The following C1orf185 variants were observed in gnomAD, a reference collection of about 807,000 sequenced individuals.
The protein encoded by C1orf185 is uncharacterized protein C1orf185.
In C1orf185, 13 loss-of-function variants were observed where a neutral mutation model predicts 16.1. The observed-to-expected ratio is 0.81, with a 90% CI of 0.53 to 1.28. C1orf185 has a LOEUF of 1.28. C1orf185 is among the 50% of genes most tolerant of loss of function. C1orf185 has a pLI of 0.00. For missense variants in C1orf185, 220 were observed against 225.2 expected (o/e 0.98, Z 0.15); for synonymous variants, 80 against 76.9 (o/e 1.04, Z -0.21).
chr1:51,139,158 A>C (rs1646347534), intron 3 of C1orf185, among the ~76,000 whole-genome samples: 1 of 151,160 alleles, frequency 6.6e-6, no homozygotes, highest in Non-Finnish European at 1.5e-5. Flanking sequence ...GTTACAGTGG[A>C]ATGGTGTGAT....
chr1:51,126,722 A>G (rs1646243101), intron 3 of C1orf185, among the ~76,000 whole-genome samples: 3 of 152,230 alleles, frequency 2.0e-5, no homozygotes, highest in South Asian at 4.1e-4. Flanking sequence ...TTAAGTTACC[A>G]TAGTATATTT....
At chr1:51,143,874 G>A (rs1646382583) in intron 3 of C1orf185, among the ~76,000 whole-genome samples, 4 of 152,162 alleles carry the variant, frequency 2.6e-5, no homozygotes, top group Non-Finnish European at 5.9e-5. Flanking sequence ...TGTTGCCCAG[G>A]CTGGTCTCTA....
At chr1:51,125,584 G>A (rs1001301090) in intron 3 of C1orf185, among the ~76,000 whole-genome samples, 51 of 152,162 alleles carry the variant, frequency 3.4e-4, no homozygotes, top group African/African-American at 1.2e-3. Flanking sequence ...TAGAAGCCTT[G>A]CACATCTTAT....
intron 3 of C1orf185, among the ~76,000 whole-genome samples, chr1:51,122,791 T>C (rs1646207336): frequency 6.6e-6 from 1 of 152,206 alleles, no homozygotes; most frequent in African/African-American, 2.4e-5. Flanking sequence ...TTTTACTGTT[T>C]CCAAAGTTTT....
chr1:51,137,001 C>A (rs905108415), intron 3 of C1orf185, among the ~76,000 whole-genome samples: 1 of 152,028 alleles, frequency 6.6e-6, no homozygotes, highest in Non-Finnish European at 1.5e-5. Context: ...TTTTTGCAAA[C>A]CATGCATCTG....
chr1:51,146,941 T>G (rs1285988901), intron 4 of C1orf185, among the ~76,000 whole-genome samples: 1 of 152,146 alleles, frequency 6.6e-6, no homozygotes, highest in Non-Finnish European at 1.5e-5. Flanking sequence ...TTTTTGATGT[T>G]TAGTTGTCCT....
At chr1:51,139,743 A>G (rs1646351189) in intron 3 of C1orf185, among the ~76,000 whole-genome samples, 1 of 152,182 alleles carries the variant, frequency 6.6e-6, no homozygotes, top group East Asian at 1.9e-4. Flanking sequence ...AACCATTATC[A>G]TCGTTTTTGT....
intron 2 of C1orf185, 107 bp from the exon 3 acceptor site, chr1:51,118,559 A>G (rs912544827): frequency 4.3e-6 from 3 of 690,492 alleles, no homozygotes; most frequent in South Asian, 5.2e-5. Flanking sequence ...GCTATAATGT[A>G]TTTATTCTGA....
In C1orf185 at chr1:51,111,808, C is replaced by T. The variant is rs907025773; in HGVS notation, c.17-656C>T. On this transcript the variant is annotated intron_variant, in intron 1 of 4. Coordinates refer to ENST00000371759, the MANE Select transcript of C1orf185 (RefSeq NM_001136508.2). Reference sequence around the variant, plus strand: ...GTGCTGGGATTACAGGCGTGAGCCACGGCGCCCTGCCCCTGGTTAATTGTT... The same window carrying T: ...GTGCTGGGATTACAGGCGTGAGCCATGGCGCCCTGCCCCTGGTTAATTGTT... Among the ~76,000 whole-genome samples, 4 of 152,144 alleles carry T rather than the reference C, an allele frequency of 2.6e-5. No homozygotes were observed. The South Asian group carries it at 6.2e-4, about 24-fold the overall frequency.
chr1:51,135,069 C>G (rs931415609), intron 3 of C1orf185, among the ~76,000 whole-genome samples: 1 of 152,218 alleles, frequency 6.6e-6, no homozygotes, highest in Non-Finnish European at 1.5e-5. Flanking sequence ...AGGCCTATAT[C>G]TTTGAAGAAC....
chr1:51,111,272 T>C (rs572229551), intron 1 of C1orf185, among the ~76,000 whole-genome samples: 4 of 151,832 alleles, frequency 2.6e-5, no homozygotes, highest in Non-Finnish European at 5.9e-5. Context: ...TTACCATCTA[T>C]AAAATAAAGG....
intron 2 of C1orf185, among the ~76,000 whole-genome samples, chr1:51,115,953 G>A (rs181421654): frequency 9.2e-5 from 14 of 152,244 alleles, no homozygotes; most frequent in Admixed American, 2.0e-4. Flanking sequence ...AAGCAGATAC[G>A]TAGTTTATAC....
intron 1 of C1orf185, among the ~76,000 whole-genome samples, chr1:51,105,986 C>T (rs1646067965): frequency 1.3e-5 from 2 of 152,014 alleles, no homozygotes; most frequent in African/African-American, 2.4e-5. Flanking sequence ...ATTGCAATTC[C>T]CCTGAGAGGT....
At chr1:51,134,826 T>C (rs1646311569) in intron 3 of C1orf185, among the ~76,000 whole-genome samples, 1 of 152,142 alleles carries the variant, frequency 6.6e-6, no homozygotes, top group Non-Finnish European at 1.5e-5. Flanking sequence ...AACAGACCAA[T>C]AATAAGTTGT....
At chr1:51,120,781 T>C (rs1027797418) in intron 3 of C1orf185, among the ~76,000 whole-genome samples, 2 of 152,150 alleles carry the variant, frequency 1.3e-5, no homozygotes, top group African/African-American at 4.8e-5. Flanking sequence ...GAGTGCAATT[T>C]TGATTAGGTT....
At position 51,118,756 on chromosome 1, in the gene C1orf185, T is replaced by C; in HGVS notation, c.213T>C (p.Cys71=). Residue 71 remains cysteine (C), a synonymous_variant, in exon 3 of 5, where the codon TGT becomes TGC. Transcript: ENST00000371759. ...SMAKIKSHSQ[C]VFISRNFHTG... ...CGAAGATTAAATCTCATTCTCAGTG[T>C]GTTTTTATTTCTCGAAATTTTCATA... is the stretch of plus-strand genomic sequence containing the variant. 6.7e-7 allele frequency: 1 copy of C among 1,490,794 alleles called. No individual in the cohort carries two copies. The highest frequency in any genetic ancestry group is 1.4e-5 in the South Asian group (1 of 72,652). The allele number at this position is 1,490,794 out of a possible 1,614,324, so 92.3% of individuals were successfully genotyped here.
intron 3 of C1orf185, among the ~76,000 whole-genome samples, chr1:51,140,283 C>T (rs1646356021): frequency 6.6e-6 from 1 of 152,260 alleles, no homozygotes; most frequent in East Asian, 1.9e-4. Context: ...TGGTTCTAAA[C>T]TCACTTAGGT....
intron 3 of C1orf185, among the ~76,000 whole-genome samples, chr1:51,119,394 T>C (rs1355014163): frequency 6.6e-6 from 1 of 152,234 alleles, no homozygotes; most frequent in Non-Finnish European, 1.5e-5. Context: ...AAAACAGTGT[T>C]TGTTTTGTAG....
chr1:51,152,194 C>G (rs1646432685), downstream of C1orf185, among the ~76,000 whole-genome samples: 1 of 152,134 alleles, frequency 6.6e-6, no homozygotes, highest in Non-Finnish European at 1.5e-5. Flanking sequence ...ACAGGATCAG[C>G]AGTTGGAAGA....
Sources: gnomAD v4.1 joint callset for allele counts (sites outside exome capture counted in the v4.1 genomes callset) on GRCh38, gnomAD v4.1.1 for gene constraint, MANE v1.5 for transcripts, NCBI Gene and HGNC (gene_info 2026-07-23, HGNC 2026-07-21) for gene names.